The following PHIP variants were observed in gnomAD, a reference collection of about 807,000 sequenced individuals.
PHIP encodes the protein PHIP subunit of CUL4-Ring ligase complex.
A neutral mutation model predicts 236.8 loss-of-function variants in PHIP; 54 were observed. The observed-to-expected ratio is 0.23, with a 90% CI of 0.18 to 0.29. PHIP has a LOEUF of 0.29. Among genes scored for constraint, PHIP ranks in the 10% least tolerant of loss-of-function variants. PHIP has a pLI of 1.00. For missense variants in PHIP, 1,370 were observed against 2,190.8 expected (o/e 0.63, Z 7.48); for synonymous variants, 756 against 718.9 (o/e 1.05, Z -0.83).
chr6:78,969,701 T>C (rs1767393411), intron 27 of PHIP, 134 bp downstream of exon 27: 1 of 490,392 alleles, frequency 2.0e-6, no homozygotes, highest in Non-Finnish European at 3.6e-6. Flanking sequence ...GTATCTTACT[T>C]TGCTATTAAC....
At chr6:78,972,763 G>T (rs968062504) in intron 24 of PHIP, among the ~76,000 whole-genome samples, 1 of 152,124 alleles carries the variant, frequency 6.6e-6, no homozygotes, top group African/African-American at 2.4e-5. Flanking sequence ...CGATGAACTG[G>T]AAGAAAGGGT....
chr6:78,998,460 C>A (rs1769769095), intron 17 of PHIP, 69 bp from the exon 18 acceptor site: 1 of 1,260,592 alleles, frequency 7.9e-7, no homozygotes, highest in South Asian at 1.3e-5. Context: ...TCACCAACCT[C>A]ACTTATGAGT....
rs554247895 is a variant in PHIP, at chr6:79,024,630, C to T, written c.923+889G>A. On this transcript the variant is annotated intron_variant, in intron 9 of 39. Transcript: ENST00000275034. ...CCATCCTGGCTAACACGGTGAAACC[C>T]TGTCTCTACTAAAAATACAAAAAAC... 5.9e-5 allele frequency among the ~76,000 whole-genome samples: 9 copies of T among 152,160 alleles called. No individual in the cohort carries two copies. The South Asian group carries it at 1.7e-3, about 28-fold the overall frequency.
chr6:79,060,631 T>C (rs1029599543), intron 5 of PHIP, 37 bp downstream of exon 5: 11 of 1,608,520 alleles, frequency 6.8e-6, no homozygotes, highest in Non-Finnish European at 9.3e-6. Flanking sequence ...AAAAGTGAGA[T>C]AAATAATGTC....
intron 4 of PHIP, among the ~76,000 whole-genome samples, chr6:79,062,818 T>G (rs1014421729): frequency 6.6e-6 from 1 of 152,208 alleles, no homozygotes; most frequent in Non-Finnish European, 1.5e-5. Context: ...CTGATGCCTC[T>G]GCTGGCAATC....
chr6:79,070,405 A>T (rs1484569020), intron 4 of PHIP, among the ~76,000 whole-genome samples: 1 of 152,220 alleles, frequency 6.6e-6, no homozygotes, highest in Non-Finnish European at 1.5e-5. Context: ...TACTCAAAAT[A>T]ACACAATTCT....
chr6:78,945,651 C>T (rs1391740274), intron 38 of PHIP, 154 bp from the exon 39 acceptor site: 5 of 637,064 alleles, frequency 7.8e-6, no homozygotes, highest in East Asian at 2.8e-5. Context: ...AGGAAAAAGG[C>T]GTATCCAACT....
At chr6:79,032,163 A>C (rs779093687) in intron 7 of PHIP, among the ~76,000 whole-genome samples, 4 of 152,222 alleles carry the variant, frequency 2.6e-5, no homozygotes, top group Non-Finnish European at 5.9e-5. Context: ...TAATTATCTG[A>C]AACTTCAGCA....
chr6:79,048,003 A>ATT (rs369839344), intron 6 of PHIP, among the ~76,000 whole-genome samples: 14 of 144,852 alleles, frequency 9.7e-5, no homozygotes, highest in African/African-American at 1.5e-4. Flanking sequence ...ATACATATGT[A>ATT]TTTTTTTTTT....
At chr6:78,951,481 T>C (rs1358259652) in intron 35 of PHIP, among the ~76,000 whole-genome samples, 1 of 152,210 alleles carries the variant, frequency 6.6e-6, no homozygotes, top group East Asian at 1.9e-4. Context: ...CTGCCTTAAA[T>C]ATTCCACTAA....
chr6:79,047,696 C>A (rs1582281213), intron 6 of PHIP, among the ~76,000 whole-genome samples: 1 of 152,008 alleles, frequency 6.6e-6, no homozygotes, highest in South Asian at 2.1e-4. Context: ...TTCTTTGACA[C>A]CCCACAATTT....
chr6:79,030,965 A>T (rs1771644639), intron 7 of PHIP, among the ~76,000 whole-genome samples: 1 of 151,696 alleles, frequency 6.6e-6, no homozygotes, highest in Non-Finnish European at 1.5e-5. Context: ...TTGTTTTGAG[A>T]CGAAGTCTTC....
chr6:79,027,515 T>C (rs1771467133), intron 7 of PHIP, among the ~76,000 whole-genome samples: 1 of 152,196 alleles, frequency 6.6e-6, no homozygotes, highest in Admixed American at 6.5e-5. Context: ...GATTCATGCA[T>C]TCATTTATCC....
Position 78,988,479 on chromosome 6 carries a change from T to C in PHIP, c.2320-130A>G, listed in dbSNP as rs139810133. 20,785 of 574,824 alleles carry C rather than the reference T, an allele frequency of 0.036. 497 individuals carry two copies. The highest frequency in any genetic ancestry group is 0.065 in the Middle Eastern group (135 of 2,086). The allele number at this position is 574,824 out of a possible 1,614,324, so 35.6% of individuals were successfully genotyped here. A position where few individuals can be genotyped will look rare whatever the true frequency, so the allele number is the denominator to read the frequency against. ...GGCGCATGCCTATAGTCCCAGCTAC[T>C]TGGGAAGATTGCTTGAGCCTAGGAG... On this transcript the variant is annotated intron_variant, in intron 20 of 39. Coordinates refer to ENST00000275034, the MANE Select transcript of PHIP (RefSeq NM_017934.7).
At chr6:78,943,362 T>C (rs1377642844) in intron 39 of PHIP, among the ~76,000 whole-genome samples, 4 of 152,172 alleles carry the variant, frequency 2.6e-5, no homozygotes, top group Non-Finnish European at 4.4e-5. Flanking sequence ...CAGGTTATGA[T>C]ACCAGACCTC....
intron 4 of PHIP, among the ~76,000 whole-genome samples, chr6:79,076,674 A>C (rs1294236212): frequency 6.6e-6 from 1 of 152,184 alleles, no homozygotes. Context: ...CCCACAGTAA[A>C]TATGTGGACA....
chr6:78,961,660 T>C (rs1437241325), intron 31 of PHIP, 30 bp downstream of exon 31: 2 of 1,604,902 alleles, frequency 1.2e-6, no homozygotes, highest in East Asian at 4.5e-5. Context: ...CAGCTTTCCT[T>C]TGATAGTAGC....
intron 15 of PHIP, among the ~76,000 whole-genome samples, chr6:79,006,226 A>G (rs896736942): frequency 6.6e-6 from 1 of 152,020 alleles, no homozygotes; most frequent in African/African-American, 2.4e-5. Context: ...CATCAATTAA[A>G]AGACCAACTC....
At position 78,955,402 on chromosome 6, in the gene PHIP, C is replaced by T. The variant is rs189986218; in HGVS notation, c.3853-120G>A. ...AACACCTGTAATGTATATGCTGGGG[C>T]ACTTTATTGACTCATTAAAAAGGTT... On this transcript the variant is annotated intron_variant, in intron 33 of 39. Coordinates refer to ENST00000275034, the MANE Select transcript of PHIP (RefSeq NM_017934.7). The T allele has an allele frequency of 1.1e-5, 8 of 715,326 alleles. No homozygotes were observed. In the South Asian group the frequency reaches 1.6e-4, roughly 14 times the overall value. 44.3% of individuals were successfully genotyped at this position (715,326 alleles called of 1,614,324 possible).
Sources: allele counts gnomAD v4.1 joint callset (sites outside exome capture counted in the v4.1 genomes callset), GRCh38; gene constraint gnomAD v4.1.1; transcripts MANE v1.5; gene names NCBI Gene and HGNC (gene_info 2026-07-23, HGNC 2026-07-21).